The following RCC2 variants were observed in gnomAD, a reference collection of about 807,000 sequenced individuals.
The protein encoded by RCC2 is protein RCC2.
Under a neutral mutation model 64.1 loss-of-function variants are expected in RCC2, and 19 were observed. The ratio of observed to expected loss-of-function variants is 0.30; its 90% CI spans 0.21 to 0.44. The LOEUF (loss-of-function observed/expected upper bound fraction) is 0.44. RCC2 is among the 20% of genes least tolerant of loss of function. RCC2 has a pLI of 1.00. For missense variants in RCC2, 508 were observed against 710.4 expected (o/e 0.72, Z 3.24); for synonymous variants, 325 against 279.6 (o/e 1.16, Z -1.62).
intron 4 of RCC2, among the ~76,000 whole-genome samples, chr1:17,424,760 CGCTGG>C (rs2075594756): frequency 6.6e-6 from 1 of 152,152 alleles, no homozygotes; most frequent in Non-Finnish European, 1.5e-5. Context: ...CAATATGCCC[CGCTGG>C]AGGCAGAGGC....
chr1:17,415,904 A>C (rs1318480376), intron 8 of RCC2, among the ~76,000 whole-genome samples: 2 of 151,366 alleles, frequency 1.3e-5, no homozygotes, highest in African/African-American at 2.4e-5. Context: ...CCCTGTCTCT[A>C]CTGAAAATAC....
chr1:17,420,737 C>T lies in RCC2; in HGVS notation c.836G>A (p.Gly279Glu). ...MDCKGNLYSF[G>E]CPEYGQLGHN... ...ACCCAGCTGACCATATTCAGGGCACCCAAAGGAATAGAGGTTTCCTTTGCA... is the reference window on the plus strand; with the variant it reads ...ACCCAGCTGACCATATTCAGGGCACTCAAAGGAATAGAGGTTTCCTTTGCA... Residue 279 changes from glycine (G) to glutamate (E), a missense_variant, in exon 7 of 13, where the codon GGG (glycine) becomes GAG (glutamate). By Grantham distance (98) the Gly-to-Glu change is moderately conservative. Around this residue, in one of 4 missense-constraint regions of RCC2, gnomAD observed 179 missense variants for 322.0 expected, o/e 0.56. Coordinates refer to ENST00000375436, the MANE Select transcript of RCC2 (RefSeq NM_018715.4). 1.2e-6 allele frequency: 2 copies of T among 1,604,322 alleles called. No individual in the cohort carries two copies. Among genetic ancestry groups the T allele is most frequent in the Non-Finnish European group, 1.7e-6 (2 of 1,177,136 alleles).
At chr1:17,416,808 T>C (rs1178263778) in intron 7 of RCC2, among the ~76,000 whole-genome samples, 162 bp from the exon 8 acceptor site, 1 of 152,204 alleles carries the variant, frequency 6.6e-6, no homozygotes, top group Admixed American at 6.5e-5. Context: ...TTTCCAATCT[T>C]AGGCACAGCA....
At chr1:17,420,665 G>T in intron 7 of RCC2, 49 bp downstream of exon 7, 1 of 1,222,318 alleles carries the variant, frequency 8.2e-7, no homozygotes, top group African/African-American at 1.5e-5. Context: ...CTCTAGTTCT[G>T]AATATATACA....
intron 11 of RCC2, 39 bp from the exon 12 acceptor site, chr1:17,410,090 T>C (rs761231932): frequency 2.4e-5 from 38 of 1,576,172 alleles, no homozygotes; most frequent in East Asian, 1.1e-4. Flanking sequence ...CGAGGATCCA[T>C]GTGGCTCAGT....
At chr1:17,410,119 G>A (rs940101144) in intron 11 of RCC2, 68 bp from the exon 12 acceptor site, 32 of 1,412,338 alleles carry the variant, frequency 2.3e-5, no homozygotes, top group Middle Eastern at 2.4e-4. Context: ...GGGGAATCAC[G>A]GCAACATTTC....
intron 3 of RCC2, among the ~76,000 whole-genome samples, chr1:17,427,786 G>A (rs1257238893): frequency 6.6e-6 from 1 of 151,966 alleles, no homozygotes. Context: ...GGTTTCTTCC[G>A]GCCTCCCAAG....
intron 5 of RCC2, among the ~76,000 whole-genome samples, 196 bp downstream of exon 5, chr1:17,422,509 C>A (rs2075566562): frequency 6.6e-6 from 1 of 152,206 alleles, no homozygotes; most frequent in Non-Finnish European, 1.5e-5. Context: ...CTCCTACTCC[C>A]AGATGGGCCT....
At chr1:17,429,338 G>GTCTCCCCACACTCCCC in intron 2 of RCC2, 139 bp from the exon 3 acceptor site, 1 of 680,052 alleles carries the variant, frequency 1.5e-6, no homozygotes, top group Non-Finnish European at 2.6e-6. Flanking sequence ...CACGAACAGA[G>GTCTCCCCACACTCCCC]TCTCCCCACA....
chr1:17,423,721 C>T (rs1391827559), intron 4 of RCC2, among the ~76,000 whole-genome samples: 2 of 152,262 alleles, frequency 1.3e-5, no homozygotes, highest in African/African-American at 2.4e-5. Flanking sequence ...AAAAACCACA[C>T]ATGTAACCTG....
intron 12 of RCC2, 109 bp from the exon 13 acceptor site, chr1:17,409,303 A>C: frequency 1.3e-6 from 1 of 746,270 alleles, no homozygotes; most frequent in Non-Finnish European, 2.4e-6. Flanking sequence ...GGAGAAAAAC[A>C]GAGTGCCCTT....
At chr1:17,423,949 C>T (rs1294652429) in intron 4 of RCC2, among the ~76,000 whole-genome samples, 1 of 152,218 alleles carries the variant, frequency 6.6e-6, no homozygotes, top group Admixed American at 6.5e-5. Flanking sequence ...GCCTCTGACT[C>T]GCTCTAATTA....
chr1:17,408,923 A>G lies in RCC2; in HGVS notation c.*167T>C. ...TTGGAAAGCATACAGAAAAAAAGGT[A>G]GTTAACGTTGGATCATGTGTAAAAC... On this transcript the variant is annotated 3_prime_UTR_variant, in exon 13 of 13. Transcript: ENST00000375436. The G allele has an allele frequency of 1.7e-6, 1 of 577,436 alleles. No individual in the cohort carries two copies. Among genetic ancestry groups the G allele is most frequent in the Non-Finnish European group, 3.1e-6 (1 of 319,260 alleles). 35.8% of individuals were successfully genotyped at this position (577,436 alleles called of 1,614,324 possible).
At chr1:17,437,893 G>A (rs1294549952) in intron 2 of RCC2, among the ~76,000 whole-genome samples, 1 of 145,706 alleles carries the variant, frequency 6.9e-6, no homozygotes, top group Non-Finnish European at 1.5e-5. Context: ...CCGGGGCGGG[G>A]GGGGAGGGGC....
At position 17,416,540 on chromosome 1, in the gene RCC2, T is replaced by A; in HGVS notation, c.966A>T (p.Gly322=). The stretch of plus-strand genomic sequence containing the variant: ...CCACGTTTGGTACAGGCAGAATCTG[T>A]CCATCTTTCGTCTTCTCAATGAAGA... ...VAIFIEKTKD[G]QILPVPNVVV... Residue 322 remains glycine, a synonymous_variant, in exon 8 of 13, where the codon GGA becomes GGT. Transcript: ENST00000375436. The A allele has an allele frequency of 1.2e-6, 2 of 1,613,978 alleles. No individual in the cohort carries two copies. The highest frequency in any genetic ancestry group is 1.7e-6 in the Non-Finnish European group (2 of 1,180,052).
At chr1:17,422,602 C>T (rs957595255) in intron 5 of RCC2, 103 bp downstream of exon 5, 115 of 1,451,418 alleles carry the variant, frequency 7.9e-5, no homozygotes, top group Admixed American at 1.9e-4. Flanking sequence ...TGATCCTGAC[C>T]AAGAGTCACA....
rs1000989916 is a variant in RCC2, at chr1:17,431,704, C to T, written c.286-2505G>A. On this transcript the variant is annotated intron_variant, in intron 2 of 12. Coordinates refer to ENST00000375436, the MANE Select transcript of RCC2 (RefSeq NM_018715.4). ...ACGACCCAAACCTGATTAGGGCGTC[C>T]CCCAAGATATAGGTTCCGTCACGCT... Among the ~76,000 whole-genome samples, 116 of 151,834 alleles carry T rather than the reference C, an allele frequency of 7.6e-4. 1 individual carries two copies. Among genetic ancestry groups the T allele is most frequent in the African/African-American group, 2.7e-3 (112 of 41,422 alleles).
At chr1:17,421,931 C>A (rs7535033) in intron 6 of RCC2, among the ~76,000 whole-genome samples, 99,161 of 151,762 alleles carry the variant, frequency 0.65, 32,532 homozygotes, top group African/African-American at 0.71. Flanking sequence ...AGGCTGAGGC[C>A]GGGGAATCAC....
At chr1:17,438,636 T>C (rs1040777295) in intron 1 of RCC2, 114 bp from the exon 2 acceptor site, 27 of 1,099,708 alleles carry the variant, frequency 2.5e-5, no homozygotes, top group Middle Eastern at 3.5e-4. Flanking sequence ...CTCCCCAAAG[T>C]GGCGGCCGCA....
Sources: allele counts gnomAD v4.1 joint callset (sites outside exome capture counted in the v4.1 genomes callset), GRCh38; gene constraint gnomAD v4.1.1; regional missense constraint gnomAD v4.1.1; transcripts MANE v1.5; gene names NCBI Gene and HGNC (gene_info 2026-07-23, HGNC 2026-07-21).